The following SLC12A3 variants were observed in gnomAD, a reference collection of about 807,000 sequenced individuals.
SLC12A3 encodes solute carrier family 12 member 3.
A neutral mutation model predicts 121.0 loss-of-function variants in SLC12A3; 104 were observed. The ratio of observed to expected loss-of-function variants is 0.86; its 90% confidence interval spans 0.73 to 1.01. The LOEUF (loss-of-function observed/expected upper bound fraction) is 1.01. Among genes scored for constraint, SLC12A3 ranks in the 50% least tolerant of loss-of-function variants. The pLI, the probability that SLC12A3 is intolerant of heterozygous loss-of-function variation, is 0.00. For missense variants in SLC12A3, 1,328 were observed against 1,356.3 expected (o/e 0.98, Z 0.33); for synonymous variants, 536 against 533.4 (o/e 1.00, Z -0.07).
rs759286605 is a variant in SLC12A3, at chr16:56,867,222, T to C, written c.429+6T>C. ...GCTGGGTCAAGGGGGTGATGGTGAGTGGGGTGTGGGTGGTGCGTGATGTCC... is the reference window on the plus strand; with the variant it reads ...GCTGGGTCAAGGGGGTGATGGTGAGCGGGGTGTGGGTGGTGCGTGATGTCC... On this transcript the variant is annotated splice_donor_region_variant and intron_variant, in intron 2 of 25. Coordinates refer to ENST00000563236, the MANE Select transcript of SLC12A3 (RefSeq NM_001126108.2). The C allele has an allele frequency of 1.2e-6, 2 of 1,604,132 alleles. No homozygotes were observed. Among genetic ancestry groups the C allele is most frequent in the East Asian group, 2.2e-5 (1 of 44,538 alleles).
intron 25 of SLC12A3, among the ~76,000 whole-genome samples, chr16:56,911,577 G>A (rs544883095): frequency 2.3e-4 from 35 of 152,238 alleles, no homozygotes; most frequent in Non-Finnish European, 4.0e-4. Flanking sequence ...TGCCCACCTC[G>A]GCCTCCCAAA....
chr16:56,891,959 G>T (rs757889556), intron 19 of SLC12A3, 124 bp from the exon 20 acceptor site: 12 of 774,140 alleles, frequency 1.6e-5, no homozygotes, highest in Non-Finnish European at 1.2e-5. Flanking sequence ...GTGCAGTGGG[G>T]CTGTGGAGGC....
At chr16:56,907,942 T>C (rs1218372338) in intron 25 of SLC12A3, among the ~76,000 whole-genome samples, 3 of 152,192 alleles carry the variant, frequency 2.0e-5, no homozygotes, top group Non-Finnish European at 4.4e-5. Context: ...CAGTAGAGCA[T>C]GTAGAATTCT....
At chr16:56,888,285 A>T (rs2055345878) in intron 18 of SLC12A3, among the ~76,000 whole-genome samples, 1 of 152,222 alleles carries the variant, frequency 6.6e-6, no homozygotes, top group South Asian at 2.1e-4. Flanking sequence ...TCTTTGAAAA[A>T]GAAGTTGAGT....
chr16:56,892,898 C>T, intron 20 of SLC12A3, 55 bp from the exon 21 acceptor site: 1 of 1,473,900 alleles, frequency 6.8e-7, no homozygotes, highest in Non-Finnish European at 9.5e-7. Flanking sequence ...CTGGGCCAGG[C>T]CTGCCTGGAT....
At chr16:56,890,701 C>T (rs1202110038) in intron 19 of SLC12A3, among the ~76,000 whole-genome samples, 1 of 152,034 alleles carries the variant, frequency 6.6e-6, no homozygotes, top group Non-Finnish European at 1.5e-5. Flanking sequence ...GAGTTCAAGA[C>T]CAGCCTGGCC....
chr16:56,879,459 C>T (rs1482701577), intron 10 of SLC12A3, 83 bp from the exon 11 acceptor site: 18 of 1,234,854 alleles, frequency 1.5e-5, no homozygotes, highest in Admixed American at 1.0e-4. Flanking sequence ...CAGCCCCTGC[C>T]CGCAGTAGGG....
chr16:56,886,120 A>C (rs748740686), intron 15 of SLC12A3, among the ~76,000 whole-genome samples: 9 of 152,246 alleles, frequency 5.9e-5, no homozygotes, highest in Non-Finnish European at 1.0e-4. Flanking sequence ...GGGGACATGC[A>C]TGGGGGGTAG....
chr16:56,891,897 C>T (rs1404473575), intron 19 of SLC12A3, among the ~76,000 whole-genome samples, 186 bp from the exon 20 acceptor site: 1 of 152,108 alleles, frequency 6.6e-6, no homozygotes, highest in African/African-American at 2.4e-5. Context: ...CCATGCGCGA[C>T]TGGAATGTGA....
At chr16:56,891,935 G>A in intron 19 of SLC12A3, 148 bp from the exon 20 acceptor site, 1 of 735,810 alleles carries the variant, frequency 1.4e-6, no homozygotes, top group Non-Finnish European at 2.5e-6. Flanking sequence ...AGGTCAGAGG[G>A]AGGCCAAGGC....
intron 6 of SLC12A3, among the ~76,000 whole-genome samples, chr16:56,871,695 C>A (rs2144693233): frequency 6.6e-6 from 1 of 152,276 alleles, no homozygotes; most frequent in South Asian, 2.1e-4. Context: ...ACCCAGTCCC[C>A]ATCACACTCC....
chr16:56,913,560 C>T lies in SLC12A3; in HGVS notation c.*155C>T. On this transcript the variant is annotated 3_prime_UTR_variant, in exon 26 of 26. Coordinates refer to ENST00000563236, the MANE Select transcript of SLC12A3 (RefSeq NM_001126108.2). ...CGAAAAAGATGGTAGATTTCCAAATCTGGCTGGACTCCACTTCCATGGGAC... is the reference window on the plus strand; with the variant it reads ...CGAAAAAGATGGTAGATTTCCAAATTTGGCTGGACTCCACTTCCATGGGAC... 2 of 797,944 alleles carry T rather than the reference C, an allele frequency of 2.5e-6. No homozygotes were observed. The highest frequency in any genetic ancestry group is 2.9e-5 in the South Asian group (2 of 69,508). 49.4% of individuals were successfully genotyped at this position (797,944 alleles called of 1,614,324 possible). A position where few individuals can be genotyped will look rare whatever the true frequency, so the allele number is the denominator to read the frequency against.
chr16:56,910,938 A>G (rs2055676459), intron 25 of SLC12A3, among the ~76,000 whole-genome samples: 1 of 151,782 alleles, frequency 6.6e-6, no homozygotes, highest in Admixed American at 6.6e-5. Context: ...AGAGCACGTC[A>G]TTGACTGGTG....
In SLC12A3 at chr16:56,890,801, C is replaced by G. The variant is rs142694060; in HGVS notation, c.2368+445C>G. Among the ~76,000 whole-genome samples, 974 of 151,816 alleles carry G rather than the reference C, an allele frequency of 6.4e-3. 4 individuals carry two copies. The highest frequency in any genetic ancestry group is 0.011 in the Non-Finnish European group (760 of 67,944). ...CCTATAATCCCAGCTACTTGGGAGG[C>G]TGAGGCAGGAGAATCACTTGAACCC... is the stretch of plus-strand genomic sequence containing the variant. On this transcript the variant is annotated intron_variant, in intron 19 of 25. Transcript: ENST00000563236.
intron 8 of SLC12A3, among the ~76,000 whole-genome samples, chr16:56,873,071 G>C (rs551605975): frequency 1.3e-5 from 2 of 152,344 alleles, no homozygotes; most frequent in African/African-American, 4.8e-5. Flanking sequence ...TGGCCCAGCT[G>C]TGACCTTAAG....
intron 24 of SLC12A3, 23 bp downstream of exon 24, chr16:56,902,531 G>GGGGGGGGGGGGGGGCC: frequency 2.8e-6 from 2 of 714,550 alleles, no homozygotes; most frequent in Non-Finnish European, 4.8e-6. Context: ...GTGGGGGTGG[G>GGGGGGGGGGGGGGGCC]AAACGCGACA....
Position 56,906,918 on chromosome 16 carries a change from A to G in SLC12A3, c.2924+2456A>G, listed in dbSNP as rs994918661. ...TGTAAAGGCCACGTTGGTGCTGGCA[A>G]AAGGTGGGCTGGAGATTGGATCACA... On this transcript the variant is annotated intron_variant, in intron 25 of 25. Coordinates refer to ENST00000563236, the MANE Select transcript of SLC12A3 (RefSeq NM_001126108.2). 46 of 469,306 alleles carry G rather than the reference A, an allele frequency of 9.8e-5. No homozygotes were observed. In the Admixed American group the frequency reaches 1.4e-3, roughly 14 times the overall value. The allele number at this position is 469,306 out of a possible 1,614,324, so 29.1% of individuals were successfully genotyped here.
chr16:56,902,531 G>GGGGGGGGGAGCC, intron 24 of SLC12A3, 23 bp downstream of exon 24: 1 of 714,570 alleles, frequency 1.4e-6, no homozygotes, highest in Non-Finnish European at 2.4e-6. Flanking sequence ...GTGGGGGTGG[G>GGGGGGGGGAGCC]AAACGCGACA....
intron 6 of SLC12A3, among the ~76,000 whole-genome samples, chr16:56,872,071 C>T (rs781508545): frequency 3.3e-5 from 5 of 152,130 alleles, no homozygotes; most frequent in Admixed American, 6.6e-5. Context: ...AGGCTGGTCT[C>T]AAACTCCTGA....
Sources: allele counts gnomAD v4.1 joint callset (sites outside exome capture counted in the v4.1 genomes callset), GRCh38; gene constraint gnomAD v4.1.1; transcripts MANE v1.5; gene names NCBI Gene and HGNC (gene_info 2026-07-23, HGNC 2026-07-21).